The following HS6ST2 variants were observed in gnomAD, a reference collection of about 807,000 sequenced individuals.
HS6ST2 encodes heparan sulfate 6-O-sulfotransferase 2.
A neutral mutation model predicts 33.0 loss-of-function variants in HS6ST2; 17 were observed. The ratio of observed to expected loss-of-function variants is 0.52; its 90% CI spans 0.35 to 0.77. The LOEUF (loss-of-function observed/expected upper bound fraction) is 0.77. Ranked by LOEUF, HS6ST2 falls within the 30% of genes least tolerant of loss-of-function variation. The pLI is 0.01. For synonymous variants in HS6ST2, 248 were observed against 237.1 expected (o/e 1.05, Z -0.42); for missense variants, 519 against 551.7 (o/e 0.94, Z 0.59).
chrX:132,765,293 C>T (rs1345027866), intron 2 of HS6ST2, among the ~76,000 whole-genome samples: 1 of 112,236 alleles, frequency 8.9e-6, no homozygotes, highest in Non-Finnish European at 1.9e-5. Flanking sequence ...GACAAGAGAA[C>T]ATTAGCACTA....
chrX:132,743,546 A>G (rs1430225791), intron 2 of HS6ST2, among the ~76,000 whole-genome samples: 1 of 112,099 alleles, frequency 8.9e-6, no homozygotes, highest in Non-Finnish European at 1.9e-5. Flanking sequence ...AAAAACCAGC[A>G]TTTATTGACC....
intron 2 of HS6ST2, among the ~76,000 whole-genome samples, chrX:132,753,663 A>C (rs1191047855): frequency 8.9e-6 from 1 of 111,811 alleles, no homozygotes; most frequent in Non-Finnish European, 1.9e-5. Flanking sequence ...AGTTTCGGGT[A>C]TGTCTTTATT....
chrX:132,919,142 C>T (rs763267127), intron 2 of HS6ST2, among the ~76,000 whole-genome samples: 9 of 112,227 alleles, frequency 8.0e-5, no homozygotes, highest in Non-Finnish European at 1.7e-4. Context: ...TAACCACTAG[C>T]AGACTAGACC....
chrX:132,950,537 C>CTTTG (rs1024883274), intron 2 of HS6ST2, among the ~76,000 whole-genome samples: 10 of 111,578 alleles, frequency 9.0e-5, no homozygotes, highest in East Asian at 5.7e-4. Context: ...TTGGGTTTTG[C>CTTTG]TTTGTTTGTT....
At chrX:132,734,303 T>C (rs2064487238) in intron 2 of HS6ST2, among the ~76,000 whole-genome samples, 2 of 108,802 alleles carry the variant, frequency 1.8e-5, no homozygotes, top group African/African-American at 3.4e-5. Context: ...GTCTAGAAGG[T>C]TGGCAACACA....
intron 4 of HS6ST2, among the ~76,000 whole-genome samples, chrX:132,636,037 C>T (rs889905887): frequency 1.8e-5 from 2 of 111,429 alleles, no homozygotes; most frequent in African/African-American, 6.5e-5. Context: ...GGTGTTCTCC[C>T]ATTGTAACAT....
chrX:132,740,503 G>A (rs2064560989), intron 2 of HS6ST2, among the ~76,000 whole-genome samples: 1 of 111,674 alleles, frequency 9.0e-6, no homozygotes. Context: ...GCAGTGATTT[G>A]TATTTCCCTG....
At chrX:132,848,390 G>C (rs895548846) in intron 2 of HS6ST2, among the ~76,000 whole-genome samples, 2 of 112,627 alleles carry the variant, frequency 1.8e-5, no homozygotes, top group East Asian at 5.6e-4. Context: ...CATGCCCAAA[G>C]CTAACTCAAA....
intron 2 of HS6ST2, among the ~76,000 whole-genome samples, chrX:132,837,727 A>T (rs1231596590): frequency 8.9e-6 from 1 of 112,039 alleles, no homozygotes; most frequent in Non-Finnish European, 1.9e-5. Context: ...TGTTCCGCAC[A>T]CTTCTAGAAC....
At chrX:132,869,605 G>T (rs778804181) in intron 2 of HS6ST2, among the ~76,000 whole-genome samples, 1 of 112,061 alleles carries the variant, frequency 8.9e-6, no homozygotes, top group Admixed American at 9.5e-5. Flanking sequence ...AGCAAGGCTG[G>T]TTCAACATAT....
chrX:132,811,421 C>T (rs2065342240), intron 2 of HS6ST2, among the ~76,000 whole-genome samples: 1 of 108,145 alleles, frequency 9.2e-6, no homozygotes, highest in African/African-American at 3.4e-5. Context: ...GTTGTGCAAC[C>T]ATCACCACCA....
intron 2 of HS6ST2, among the ~76,000 whole-genome samples, chrX:132,738,615 A>G (rs1453119151): frequency 1.8e-5 from 2 of 112,558 alleles, no homozygotes; most frequent in Non-Finnish European, 3.7e-5. Flanking sequence ...TATACTGGCT[A>G]TTTTATGCCT....
chrX:132,884,325 G>A (rs1184683311), intron 2 of HS6ST2, among the ~76,000 whole-genome samples: 1 of 111,852 alleles, frequency 8.9e-6, no homozygotes, highest in Non-Finnish European at 1.9e-5. Flanking sequence ...AAAGGAGAGA[G>A]ACCATGAGAA....
At chrX:132,797,045 G>T (rs1483550820) in intron 2 of HS6ST2, among the ~76,000 whole-genome samples, 3 of 111,563 alleles carry the variant, frequency 2.7e-5, no homozygotes, top group Non-Finnish European at 5.6e-5. Flanking sequence ...TCCCCGATTA[G>T]CCTGCCTGCT....
At position 132,870,421 on chromosome X, in the gene HS6ST2, C is replaced by A. The variant is rs190654306; in HGVS notation, c.947+86387G>T. On this transcript the variant is annotated intron_variant, in intron 2 of 4. Transcript: ENST00000370833. ...TCACAGAATTGGAAAAAACTACTTT[C>A]AAGTTCATATGGAACAAAAAAAGAG... 3.8e-3 allele frequency among the ~76,000 whole-genome samples: 420 copies of A among 111,607 alleles called. 1 individual carries two copies. Among genetic ancestry groups the A allele is most frequent in the African/African-American group, 0.013 (397 of 30,735 alleles).
chrX:132,841,058 A>T (rs1002056922), intron 2 of HS6ST2, among the ~76,000 whole-genome samples: 1 of 111,905 alleles, frequency 8.9e-6, no homozygotes, highest in African/African-American at 3.3e-5. Context: ...AAATCACATG[A>T]TCTCATACAA....
intron 2 of HS6ST2, among the ~76,000 whole-genome samples, chrX:132,753,061 G>C (rs889261133): frequency 9.0e-6 from 1 of 111,605 alleles, no homozygotes; most frequent in African/African-American, 3.3e-5. Flanking sequence ...GCTTTGCTTG[G>C]CAGGAATAAA....
chrX:132,797,637 A>C (rs1967561685), intron 2 of HS6ST2, among the ~76,000 whole-genome samples: 1 of 111,447 alleles, frequency 9.0e-6, no homozygotes, highest in African/African-American at 3.3e-5. Context: ...AACAAGAGGA[A>C]AGTTCTCATT....
chrX:132,645,599 G>A (rs1227476295), intron 4 of HS6ST2, among the ~76,000 whole-genome samples: 1 of 111,896 alleles, frequency 8.9e-6, no homozygotes. Context: ...AGAAATGCAC[G>A]CAGGGAGAAC....
Sources: gnomAD v4.1 joint callset for allele counts (sites outside exome capture counted in the v4.1 genomes callset) on GRCh38, gnomAD v4.1.1 for gene constraint, MANE v1.5 for transcripts, NCBI Gene and HGNC (gene_info 2026-07-23, HGNC 2026-07-21) for gene names.